Variants in PCDH15 observed in about 807,000 individuals in gnomAD.
PCDH15 encodes the protein protocadherin-15.
A neutral mutation model predicts 178.5 loss-of-function variants in PCDH15; 129 were observed. The observed-to-expected ratio is 0.72, with a 90% confidence interval of 0.63 to 0.84. The LOEUF is 0.84. Ranked by LOEUF, PCDH15 falls within the 40% of genes least tolerant of loss-of-function variation. The pLI is 0.00. For synonymous variants in PCDH15, 800 were observed against 732.0 expected (o/e 1.09, Z -1.50); for missense variants, 2,230 against 2,099.9 (o/e 1.06, Z -1.21).
At chr10:55,271,337 C>A (rs887174202) in intron 1 of PCDH15, among the ~76,000 whole-genome samples, 3 of 151,742 alleles carry the variant, frequency 2.0e-5, no homozygotes, top group Non-Finnish European at 4.4e-5. Context: ...TTTTCAGGTA[C>A]CTTCATGAAT....
At position 54,397,454 on chromosome 10, in the gene PCDH15, A is replaced by C. The variant is rs1951387728; in HGVS notation, c.158-18512T>G. ...CTTGCATTGTGTTTCAAAAGAACTG[A>C]GTTCAATTTCTATCCACTATTGCAA... On this transcript the variant is annotated intron_variant, in intron 3 of 37. Transcript: ENST00000644397. Among the ~76,000 whole-genome samples the C allele has an allele frequency of 2.6e-5, 4 of 152,050 alleles. No homozygotes were observed. The South Asian group carries it at 8.3e-4, about 31-fold the overall frequency.
chr10:54,040,858 AATG>A (rs2093527218), intron 18 of PCDH15, among the ~76,000 whole-genome samples: 3 of 152,060 alleles, frequency 2.0e-5, no homozygotes, highest in Admixed American at 1.3e-4. Context: ...AAGCTTCATA[AATG>A]ATGAGCATGC....
At chr10:54,170,038 A>C (rs11004116) in intron 13 of PCDH15, among the ~76,000 whole-genome samples, 39,813 of 135,438 alleles carry the variant, frequency 0.29, 6,154 homozygotes, top group Non-Finnish European at 0.4. Flanking sequence ...TTGCACCCTT[A>C]ATCCCAGCCT....
chr10:54,693,648 A>G (rs986140507), intron 1 of PCDH15, among the ~76,000 whole-genome samples: 1 of 152,134 alleles, frequency 6.6e-6, no homozygotes, highest in South Asian at 2.1e-4. Context: ...GTATTTTTCT[A>G]TCACACCTTT....
At chr10:54,302,935 T>C (rs970822826) in intron 8 of PCDH15, among the ~76,000 whole-genome samples, 2 of 152,166 alleles carry the variant, frequency 1.3e-5, no homozygotes, top group Non-Finnish European at 2.9e-5. Context: ...CCCATAAATA[T>C]ATACACCCAC....
At chr10:54,216,730 T>C (rs1279146473) in intron 9 of PCDH15, among the ~76,000 whole-genome samples, 1 of 152,004 alleles carries the variant, frequency 6.6e-6, no homozygotes, top group African/African-American at 2.4e-5. Flanking sequence ...TGAAGGAGAG[T>C]ATGACATAAG....
intron 29 of PCDH15, among the ~76,000 whole-genome samples, chr10:53,838,226 C>A (rs980444171): frequency 6.6e-6 from 1 of 151,960 alleles, no homozygotes; most frequent in Non-Finnish European, 1.5e-5. Context: ...CCACCCACCT[C>A]GGCCTCCCAA....
In PCDH15 at chr10:54,709,429, A is replaced by G. The variant is rs1224178227; in HGVS notation, c.-28-45139T>C. On this transcript the variant is annotated intron_variant, in intron 1 of 37. Coordinates refer to ENST00000644397, the MANE Select transcript of PCDH15 (RefSeq NM_001384140.1). ...ATACTGCACAATCTATTTAAGCCTC[A>G]GTTTTATTTTCTGTAAATGAATATG... 2.6e-5 allele frequency among the ~76,000 whole-genome samples: 4 copies of G among 151,692 alleles called. No homozygotes were observed. In the South Asian group the frequency reaches 6.2e-4, roughly 24 times the overall value.
intron 3 of PCDH15, among the ~76,000 whole-genome samples, chr10:54,811,777 C>T (rs1012511419): frequency 2.0e-5 from 3 of 152,122 alleles, no homozygotes; most frequent in Admixed American, 6.6e-5. Context: ...CCAGTTATAG[C>T]TAAATAACTA....
At chr10:54,693,252 C>T (rs1222016991) in intron 1 of PCDH15, among the ~76,000 whole-genome samples, 1 of 151,916 alleles carries the variant, frequency 6.6e-6, no homozygotes, top group Non-Finnish European at 1.5e-5. Context: ...ACAACTGACG[C>T]TCTCTTTCTT....
intron 15 of PCDH15, among the ~76,000 whole-genome samples, chr10:54,104,306 C>A (rs1229730175): frequency 6.6e-6 from 1 of 152,216 alleles, no homozygotes; most frequent in Admixed American, 6.5e-5. Context: ...TCCTCCCACA[C>A]ATCCCCATTC....
At chr10:54,994,087 GA>G (rs1252334715) in intron 2 of PCDH15, among the ~76,000 whole-genome samples, 1 of 152,016 alleles carries the variant, frequency 6.6e-6, no homozygotes, top group Admixed American at 6.6e-5. Context: ...ATCCCACAGA[GA>G]ATCCATGGAT....
chr10:55,210,618 C>CTTT (rs11412877), intron 1 of PCDH15, among the ~76,000 whole-genome samples: 587 of 40,352 alleles, frequency 0.015, 96 homozygotes, highest in East Asian at 0.018. Context: ...TTTTTCTTTT[C>CTTT]TTTTTTTTTT....
intron 3 of PCDH15, among the ~76,000 whole-genome samples, chr10:54,865,375 C>T (rs1380181790): frequency 6.6e-6 from 1 of 152,186 alleles, no homozygotes; most frequent in Non-Finnish European, 1.5e-5. Context: ...GGGGGACGCT[C>T]AAGACTTTGA....
intron 2 of PCDH15, among the ~76,000 whole-genome samples, chr10:55,030,698 T>C (rs745457247): frequency 5.8e-4 from 88 of 152,300 alleles, no homozygotes; most frequent in Non-Finnish European, 9.4e-4. Context: ...TTACTTACAA[T>C]GAATCACAAA....
Position 55,215,176 on chromosome 10 carries a change from C to T in PCDH15, c.-155-48525G>A, listed in dbSNP as rs932947361. Among the ~76,000 whole-genome samples the T allele has an allele frequency of 6.7e-4, 102 of 152,192 alleles. 1 individual carries two copies. Among genetic ancestry groups the T allele is most frequent in the African/African-American group, 2.4e-3 (101 of 41,512 alleles). On this transcript the variant is annotated intron_variant, in intron 1 of 5. Transcript: ENST00000458638. ...GAGCATCTAAGTAAGACAAATACAA[C>T]AATGAATCCATTATACAGCAAGAAA...
chr10:55,160,551 T>A (rs907705362), intron 2 of PCDH15, among the ~76,000 whole-genome samples: 2 of 151,952 alleles, frequency 1.3e-5, no homozygotes, highest in Non-Finnish European at 2.9e-5. Flanking sequence ...ATATGCACCA[T>A]TCTTACCTAA....
intron 18 of PCDH15, among the ~76,000 whole-genome samples, chr10:54,025,497 C>T (rs1037889168): frequency 7.2e-6 from 1 of 138,842 alleles, no homozygotes; most frequent in African/African-American, 2.9e-5. Context: ...CACATTTCCA[C>T]CATTTTTTTT....
At chr10:54,714,305 A>G (rs2095455178) in intron 1 of PCDH15, among the ~76,000 whole-genome samples, 1 of 152,132 alleles carries the variant, frequency 6.6e-6, no homozygotes, top group Non-Finnish European at 1.5e-5. Context: ...AGCCTTTTTC[A>G]GCAGTGTAGA....
Sources: allele counts gnomAD v4.1 joint callset (sites outside exome capture counted in the v4.1 genomes callset), GRCh38; gene constraint gnomAD v4.1.1; transcripts MANE v1.5; gene names NCBI Gene and HGNC (gene_info 2026-07-23, HGNC 2026-07-21).